Variants in CARMIL2 observed in about 807,000 individuals in gnomAD.
CARMIL2 encodes the protein capping protein regulator and myosin 1 linker 2, also known as capping protein, Arp2/3 and myosin-I linker protein 2.
In CARMIL2, 96 loss-of-function variants were observed where a neutral mutation model predicts 173.3. The ratio of observed to expected loss-of-function variants is 0.55; its 90% confidence interval spans 0.47 to 0.66. The LOEUF is 0.66. CARMIL2 is among the 30% of genes least tolerant of loss of function. The pLI is 0.00. For synonymous variants in CARMIL2, 830 were observed against 817.1 expected (o/e 1.02, Z -0.27); for missense variants, 1,771 against 1,906.7 (o/e 0.93, Z 1.33).
Position 67,657,216 on chromosome 16 carries a change from C to T in CARMIL2, c.4118-23C>T. 1 of 1,611,278 alleles carries T rather than the reference C, an allele frequency of 6.2e-7. No homozygotes were observed. The highest frequency in any genetic ancestry group is 8.5e-7 in the Non-Finnish European group (1 of 1,178,428). ...AGACCCCAAGCCTTAGCAACCCACC[C>T]CAAGCCTTTCTGTGTCCCTTAGAAC... On this transcript the variant is annotated intron_variant, in intron 36 of 37. Coordinates refer to ENST00000334583, the MANE Select transcript of CARMIL2 (RefSeq NM_001013838.3). The surrounding 1 kb of genome is among the most constrained non-coding windows in gnomAD (Gnocchi z 4.5).
Position 67,653,200 on chromosome 16 carries a change from C to CCGGCCG in CARMIL2, c.3075_3080dup (p.Pro1026_Arg1027dup), listed in dbSNP as rs2142941686. 1 of 1,128,510 alleles carries CCGGCCG rather than the reference C, an allele frequency of 8.9e-7. No homozygotes were observed. The highest frequency in any genetic ancestry group is 1.6e-5 in the African/African-American group (1 of 60,982). 69.9% of individuals were successfully genotyped at this position (1,128,510 alleles called of 1,614,324 possible). ...AGCCCCTGCGCCATCCGACCCGGGC[C>CCGGCCG]CGGCCGCGGCCGCGCCGCCAGCACC... is the stretch of plus-strand genomic sequence containing the variant. On this transcript the variant is annotated inframe_insertion, in exon 29 of 38. Transcript: ENST00000334583. This position sits in a 1 kb window ranked among gnomAD's most constrained non-coding sequence, Gnocchi z 7.4.
Position 67,649,455 on chromosome 16 carries a change from G to T in CARMIL2, c.1755G>T (p.Gln585His). Residue 585 changes from glutamine (Q) to histidine (H), a missense_variant, in exon 20 of 38, where the codon CAG (glutamine) becomes CAT (histidine). This residue lies in a region of CARMIL2 where 944 missense variants were observed against 975.6 expected (regional missense o/e 0.97). Transcript: ENST00000334583. The surrounding 1 kb of genome is among the most constrained non-coding windows in gnomAD (Gnocchi z 6.7). The part of the protein sequence containing the change: ...QLMQDDDCPL[Q>H]SLSVAESRLK... ...CTTTCTCTTAACCCCAGCCTCTTCA[G>T]TCTCTGTCGGTGGCTGAGTCTCGGC... The T allele has an allele frequency of 6.2e-7, 1 of 1,612,016 alleles. No homozygotes were observed.
chr16:67,651,662 T>C lies in CARMIL2; in HGVS notation c.2428-23T>C, dbSNP rs563246530. 3 of 1,602,162 alleles carry C rather than the reference T, an allele frequency of 1.9e-6. No homozygotes were observed. The highest frequency in any genetic ancestry group is 2.2e-5 in the South Asian group (2 of 89,324). On this transcript the variant is annotated intron_variant, in intron 24 of 37. Coordinates refer to ENST00000334583, the MANE Select transcript of CARMIL2 (RefSeq NM_001013838.3). This position sits in a 1 kb window ranked among gnomAD's most constrained non-coding sequence, Gnocchi z 4.2. ...CTGGTGTCTGGCCACATCCTCACCA[T>C]GCTCTGACTGACCTTTGTCTAGGAC...
chr16:67,645,642 G>C lies in CARMIL2; in HGVS notation c.132+11G>C. 1.9e-6 allele frequency: 3 copies of C among 1,613,462 alleles called. No individual in the cohort carries two copies. The highest frequency in any genetic ancestry group is 1.3e-5 in the African/African-American group (1 of 75,076). On this transcript the variant is annotated intron_variant, in intron 2 of 37. Transcript: ENST00000334583. ...CAAAACCATGTCCTGGTATGGGGCA[G>C]GGGACAGAGCCGGGGAGGCGGCTGT...
At chr16:67,645,889 C>G in intron 3 of CARMIL2, 112 bp downstream of exon 3, 1 of 1,550,208 alleles carries the variant, frequency 6.5e-7, no homozygotes, top group South Asian at 1.1e-5. Context: ...TGCACCAGCA[C>G]TGGGCTCTGG....
chr16:67,654,979 G>A, intron 32 of CARMIL2, 79 bp downstream of exon 32: 1 of 1,548,212 alleles, frequency 6.5e-7, no homozygotes, highest in African/African-American at 1.4e-5. Context: ...AGATGGAGGA[G>A]ACTCATGACA....
chr16:67,650,083 A>G lies in CARMIL2; in HGVS notation c.2117A>G (p.Asp706Gly). The G allele has an allele frequency of 1.2e-6, 2 of 1,613,478 alleles. No homozygotes were observed. Among genetic ancestry groups the G allele is most frequent in the Non-Finnish European group, 1.7e-6 (2 of 1,179,792 alleles). Residue 706 changes from aspartate to glycine, a missense_variant, in exon 22 of 38, where the codon GAC (aspartate) becomes GGC (glycine). Transcript: ENST00000334583. ...TGTCTCTTGAGGAACAACCGCGCAG[A>G]CCCTGCCTCTTCTGACCACACGACC... ...QACLLRNNRADPASSDHTTRL... is the reference protein window; with the variant it reads ...QACLLRNNRAGPASSDHTTRL...
chr16:67,652,897 G>T lies in CARMIL2; in HGVS notation c.2885-122G>T. On this transcript the variant is annotated intron_variant, in intron 28 of 37. Transcript: ENST00000334583. This position sits in a 1 kb window ranked among gnomAD's most constrained non-coding sequence, Gnocchi z 4.7. The stretch of plus-strand genomic sequence containing the variant: ...GAGGGGCGGAGGGGCAGAGGGGCGG[G>T]GGGACGGGCGGCGTAGCCGGGCCCC... 4.1e-6 allele frequency: 1 copy of T among 245,842 alleles called. No homozygotes were observed. The highest frequency in any genetic ancestry group is 7.2e-6 in the Non-Finnish European group (1 of 139,546). The allele number at this position is 245,842 out of a possible 1,614,324, so 15.2% of individuals were successfully genotyped here. A position where few individuals can be genotyped will look rare whatever the true frequency, so the allele number is the denominator to read the frequency against.
rs1362263362 is a variant in CARMIL2, at chr16:67,645,209, C to T, written c.-38C>T. 1 of 1,537,398 alleles carries T rather than the reference C, an allele frequency of 6.5e-7. No homozygotes were observed. The highest frequency in any genetic ancestry group is 2.4e-5 in the East Asian group (1 of 41,424). ...TGCGCGCTCGTCCTCTGCTGTTTCC[C>T]GCCGGAGCTCGTTGGGCCTCCCCGG... On this transcript the variant is annotated 5_prime_UTR_variant, in exon 1 of 38. Transcript: ENST00000334583.
In CARMIL2 at chr16:67,656,767, G is replaced by C. The variant is rs772194666; in HGVS notation, c.4037-34G>C. 3 of 1,551,932 alleles carry C rather than the reference G, an allele frequency of 1.9e-6. No individual in the cohort carries two copies. In the African/African-American group the frequency reaches 4.1e-5, roughly 21 times the overall value. On this transcript the variant is annotated intron_variant, in intron 35 of 37. Coordinates refer to ENST00000334583, the MANE Select transcript of CARMIL2 (RefSeq NM_001013838.3). The stretch of plus-strand genomic sequence containing the variant: ...GGCAAGGGCTGGAGTGGGGGCAGCT[G>C]TTGGAATACCCCTGATTCCCTGGCC...
chr16:67,650,173 C>T (rs140340621), intron 22 of CARMIL2, 23 bp downstream of exon 22: 7 of 1,585,792 alleles, frequency 4.4e-6, no homozygotes, highest in Middle Eastern at 1.7e-4. Context: ...TCCCCAACCA[C>T]GAGAGGTAGG....
At chr16:67,655,133 A>C (rs2052816717) in intron 32 of CARMIL2, among the ~76,000 whole-genome samples, 1 of 152,356 alleles carries the variant, frequency 6.6e-6, no homozygotes, top group African/African-American at 2.4e-5. Context: ...CAGGTCTAAT[A>C]GAAATCTGAG....
chr16:67,653,348 G>T lies in CARMIL2; in HGVS notation c.3120+94G>T, dbSNP rs1010089020. The T allele has an allele frequency of 2.4e-5, 14 of 573,744 alleles. No homozygotes were observed. The Admixed American group carries it at 7.7e-4, about 31-fold the overall frequency. The allele number at this position is 573,744 out of a possible 1,614,324, so 35.5% of individuals were successfully genotyped here. A position where few individuals can be genotyped will look rare whatever the true frequency, so the allele number is the denominator to read the frequency against. On this transcript the variant is annotated intron_variant, in intron 29 of 37. Transcript: ENST00000334583. This position sits in a 1 kb window ranked among gnomAD's most constrained non-coding sequence, Gnocchi z 7.4. ...GGGTGGTAGCGGTCAAGGAGAGGGG[G>T]TGGTGGGGGCCCAAGGCCACCTGGT...
rs555452513 is a variant in CARMIL2, at chr16:67,656,085, G to A, written c.3742+18G>A. 5.0e-6 allele frequency: 8 copies of A among 1,607,824 alleles called. No individual in the cohort carries two copies. The highest frequency in any genetic ancestry group is 1.7e-4 in the Middle Eastern group (1 of 6,058). ...CTCAGATGGTAAGTGGGACCCTGGG[G>A]TGTGGCAGTACATTTGCCAGGAGGT... On this transcript the variant is annotated intron_variant, in intron 33 of 37. Coordinates refer to ENST00000334583, the MANE Select transcript of CARMIL2 (RefSeq NM_001013838.3).
At chr16:67,655,522 C>T (rs1446879008) in intron 32 of CARMIL2, among the ~76,000 whole-genome samples, 2 of 152,256 alleles carry the variant, frequency 1.3e-5, no homozygotes, top group East Asian at 1.9e-4. Context: ...GTTCAGACTC[C>T]ACAACCTGCT....
At chr16:67,647,444 C>T (rs1489418805) in intron 10 of CARMIL2, 57 bp downstream of exon 10, 2 of 1,555,478 alleles carry the variant, frequency 1.3e-6, no homozygotes, top group Admixed American at 3.9e-5. Context: ...GGACTGGGGG[C>T]TAGTGGCCTG....
At position 67,653,127 on chromosome 16, in the gene CARMIL2, G is replaced by A. The variant is rs2052761334; in HGVS notation, c.2993G>A (p.Gly998Glu). The A allele has an allele frequency of 8.9e-7, 1 of 1,120,654 alleles. No individual in the cohort carries two copies. The highest frequency in any genetic ancestry group is 1.1e-6 in the Non-Finnish European group (1 of 915,998). 69.4% of individuals were successfully genotyped at this position (1,120,654 alleles called of 1,614,324 possible). A position where few individuals can be genotyped will look rare whatever the true frequency, so the allele number is the denominator to read the frequency against. ...GGCTCTCCGAGCCCTGCCGCCCCTG[G>A]GCCCCCGGCCGGCCCGCTGCCCCGC... is the stretch of plus-strand genomic sequence containing the variant. ...ARGSPSPAAP[G>E]PPAGPLPRMD... The change falls in exon 29 of 38, where the codon GGG becomes GAG. Residue 998 changes from glycine to glutamate, a missense_variant. This residue lies in a region of CARMIL2 where 817 missense variants were observed against 903.5 expected (regional missense o/e 0.90). Coordinates refer to ENST00000334583, the MANE Select transcript of CARMIL2 (RefSeq NM_001013838.3). This position sits in a 1 kb window ranked among gnomAD's most constrained non-coding sequence, Gnocchi z 7.4.
rs1185298911 is a variant in CARMIL2, at chr16:67,652,835, G to C, written c.2885-184G>C. ...CGGCGCGGAGCCGCGCGCGCTCGGG[G>C]CCGCGCTCAGCACCACGGACAGCGG... On this transcript the variant is annotated intron_variant, in intron 28 of 37. Coordinates refer to ENST00000334583, the MANE Select transcript of CARMIL2 (RefSeq NM_001013838.3). This position sits in a 1 kb window ranked among gnomAD's most constrained non-coding sequence, Gnocchi z 4.7. 1 of 218,852 alleles carries C rather than the reference G, an allele frequency of 4.6e-6. No homozygotes were observed. The highest frequency in any genetic ancestry group is 2.3e-5 in the African/African-American group (1 of 42,654). The allele number at this position is 218,852 out of a possible 1,614,324, so 13.6% of individuals were successfully genotyped here. A position where few individuals can be genotyped will look rare whatever the true frequency, so the allele number is the denominator to read the frequency against.
At position 67,657,379 on chromosome 16, in the gene CARMIL2, CCT is replaced by C. The variant is rs752623662; in HGVS notation, c.4196-19_4196-18del. ...ACTGCTTAGCCCAGCCCTGACCCTT[CCT>C]CTCTCTCCCTCCCTCCCCTCACAGG... is the stretch of plus-strand genomic sequence containing the variant. On this transcript the variant is annotated intron_variant, in intron 37 of 37. Transcript: ENST00000334583. The surrounding 1 kb of genome is among the most constrained non-coding windows in gnomAD (Gnocchi z 4.5). 1.1e-5 allele frequency: 18 copies of C among 1,604,020 alleles called. No homozygotes were observed. The Middle Eastern group carries it at 5.0e-4, about 44-fold the overall frequency.
Sources: gnomAD v4.1 joint callset for allele counts (sites outside exome capture counted in the v4.1 genomes callset) on GRCh38, gnomAD v4.1.1 for gene constraint, gnomAD v4.1.1 regional missense constraint, Gnocchi (gnomAD v3.1) non-coding constraint, MANE v1.5 for transcripts, NCBI Gene and HGNC (gene_info 2026-07-23, HGNC 2026-07-21) for gene names.